Variants in POC1A observed in about 807,000 individuals in gnomAD.
The protein encoded by POC1A is POC1 centriolar protein A, also known as POC1 centriolar protein homolog A.
A neutral mutation model predicts 47.8 loss-of-function variants in POC1A; 34 were observed. The ratio of observed to expected loss-of-function variants is 0.71; its 90% CI spans 0.54 to 0.95. The LOEUF (loss-of-function observed/expected upper bound fraction) is 0.95. Among genes scored for constraint, POC1A ranks in the 40% least tolerant of loss-of-function variants. The pLI, the probability that POC1A is intolerant of heterozygous loss-of-function variation, is 0.00. For missense variants in POC1A, 466 were observed against 528.3 expected, an observed-to-expected ratio of 0.88 and a Z score of 1.16; for synonymous variants, 177 against 207.6, an observed-to-expected ratio of 0.85 and a Z score of 1.27.
chr3:52,135,787 T>A (rs1242120809), intron 7 of POC1A, among the ~76,000 whole-genome samples: 1 of 152,072 alleles, frequency 6.6e-6, no homozygotes, highest in African/African-American at 2.4e-5. Flanking sequence ...CTGCTGCACA[T>A]CATTAGTAAG....
chr3:52,132,005 T>C (rs1011528122), intron 7 of POC1A, among the ~76,000 whole-genome samples: 1 of 152,186 alleles, frequency 6.6e-6, no homozygotes, highest in East Asian at 1.9e-4. Flanking sequence ...AAACTTCTAA[T>C]GCCCTTTTAA....
chr3:52,077,641 G>A (rs996000231), intron 10 of POC1A, among the ~76,000 whole-genome samples: 2 of 152,232 alleles, frequency 1.3e-5, no homozygotes, highest in African/African-American at 2.4e-5. Context: ...AAGTGGCAGC[G>A]GAAACAGCCC....
At chr3:52,076,298 A>AC (rs1316930594) in intron 10 of POC1A, among the ~76,000 whole-genome samples, 6 of 151,984 alleles carry the variant, frequency 3.9e-5, no homozygotes, top group Middle Eastern at 3.4e-3. Flanking sequence ...GGGGTCAGGA[A>AC]CCCCCCACCC....
In POC1A at chr3:52,154,351, T is replaced by C; in HGVS notation, c.18+4A>G. ...CCTGGGGAGTTGCTCTCGGCTGGGC[T>C]TACCGCGCAGGGCGCAGCCATGGCG... On this transcript the variant is annotated splice_donor_region_variant and intron_variant, in intron 1 of 10. Transcript: ENST00000296484. 1 of 1,550,788 alleles carries C rather than the reference T, an allele frequency of 6.4e-7. No homozygotes were observed. Among genetic ancestry groups the C allele is most frequent in the South Asian group, 1.2e-5 (1 of 84,804 alleles).
chr3:52,080,644 G>A (rs1473340873), intron 10 of POC1A, among the ~76,000 whole-genome samples: 2 of 152,208 alleles, frequency 1.3e-5, no homozygotes, highest in African/African-American at 4.8e-5. Flanking sequence ...GGAACCGAAA[G>A]GACATAGTGA....
Position 52,147,075 on chromosome 3 carries a change from A to G in POC1A, c.476T>C (p.Leu159Pro). The G allele has an allele frequency of 6.2e-7, 1 of 1,614,072 alleles. No individual in the cohort carries two copies. Among genetic ancestry groups the G allele is most frequent in the East Asian group, 2.2e-5 (1 of 44,884 alleles). The change falls in exon 5 of 11, where the codon CTC becomes CCC. Residue 159 changes from leucine (L) to proline (P), a missense_variant. By Grantham distance (98) the Leu-to-Pro change is moderately conservative (BLOSUM62 -3). Transcript: ENST00000296484. The stretch of plus-strand genomic sequence containing the variant: ...CTTGTCATCACTGGCAGACACGATG[A>G]GCCGCCCGTCGGGGGAGAACCTGAA... ...RCAKFSPDGR[L>P]IVSASDDKTV...
chr3:52,078,031 G>T (rs902547484), intron 10 of POC1A, among the ~76,000 whole-genome samples: 1 of 152,072 alleles, frequency 6.6e-6, no homozygotes, highest in African/African-American at 2.4e-5. Flanking sequence ...GTGCCACCCC[G>T]TTGAGGCCTT....
intron 5 of POC1A, 34 bp downstream of exon 5, chr3:52,146,954 G>A (rs764441356): frequency 3.3e-5 from 51 of 1,540,304 alleles, no homozygotes; most frequent in South Asian, 5.6e-5. Flanking sequence ...GTGCTTGAGC[G>A]CCTACAGGTG....
intron 10 of POC1A, among the ~76,000 whole-genome samples, chr3:52,082,903 T>C (rs944234563): frequency 6.6e-6 from 1 of 152,074 alleles, no homozygotes; most frequent in Non-Finnish European, 1.5e-5. Flanking sequence ...TGCGTCCTTC[T>C]CTACTGACAT....
intron 9 of POC1A, 130 bp downstream of exon 9, chr3:52,122,249 A>T (rs959605080): frequency 5.0e-6 from 3 of 605,232 alleles, no homozygotes; most frequent in Non-Finnish European, 5.9e-6. Flanking sequence ...AAATGAGAAG[A>T]TCTTGCTAGG....
Position 52,122,486 on chromosome 3 carries a change from AC to A in POC1A, c.883-10del. 6.6e-7 allele frequency: 1 copy of A among 1,523,158 alleles called. No homozygotes were observed. The highest frequency in any genetic ancestry group is 9.1e-7 in the Non-Finnish European group (1 of 1,097,050). The allele number at this position is 1,523,158 out of a possible 1,614,324, so 94.4% of individuals were successfully genotyped here. A position where few individuals can be genotyped will look rare whatever the true frequency, so the allele number is the denominator to read the frequency against. On this transcript the variant is annotated splice_polypyrimidine_tract_variant and intron_variant, in intron 8 of 10. Coordinates refer to ENST00000296484, the MANE Select transcript of POC1A (RefSeq NM_015426.5). ...CTCTTCCAAACCATCACCTGCCAAA[AC>A]CAACAGGCACACCAAGTCAGGAGAA...
chr3:52,144,224 C>T (rs1393186083), intron 6 of POC1A, among the ~76,000 whole-genome samples: 2 of 152,252 alleles, frequency 1.3e-5, no homozygotes, highest in Non-Finnish European at 2.9e-5. Flanking sequence ...CACCTGCCCA[C>T]GTTCCCCAGG....
At chr3:52,154,325 G>C in intron 1 of POC1A, 30 bp downstream of exon 1, 1 of 1,557,304 alleles carries the variant, frequency 6.4e-7, no homozygotes, top group Non-Finnish European at 8.7e-7. Context: ...GGAGACTGAG[G>C]CCTGGGGAGT....
chr3:52,099,599 C>G (rs1702929394), intron 9 of POC1A, among the ~76,000 whole-genome samples: 1 of 152,186 alleles, frequency 6.6e-6, no homozygotes, highest in South Asian at 2.1e-4. Context: ...ACCTGTAACC[C>G]AACCACTTTG....
chr3:52,153,312 A>G (rs1319421994), intron 1 of POC1A, among the ~76,000 whole-genome samples: 1 of 152,244 alleles, frequency 6.6e-6, no homozygotes, highest in African/African-American at 2.4e-5. Flanking sequence ...AGAAACCTCA[A>G]AGAAGCATTT....
At chr3:52,119,004 GTT>G (rs10662992) in intron 9 of POC1A, among the ~76,000 whole-genome samples, 1 of 146,768 alleles carries the variant, frequency 6.8e-6, no homozygotes, top group African/African-American at 2.5e-5. Context: ...AAGGCAAAAG[GTT>G]TTTTTTTTTT....
At chr3:52,142,066 C>T (rs1404766413) in intron 6 of POC1A, among the ~76,000 whole-genome samples, 3 of 152,206 alleles carry the variant, frequency 2.0e-5, no homozygotes, top group South Asian at 2.1e-4. Flanking sequence ...GACTCAAAGG[C>T]CCTGAGGTGG....
intron 10 of POC1A, among the ~76,000 whole-genome samples, chr3:52,083,521 C>A (rs1702366488): frequency 1.3e-5 from 2 of 152,206 alleles, no homozygotes; most frequent in African/African-American, 4.8e-5. Context: ...ACCTCCCCTT[C>A]TTTCAGCCCC....
chr3:52,108,997 T>A (rs369085085), intron 9 of POC1A, among the ~76,000 whole-genome samples: 62 of 152,250 alleles, frequency 4.1e-4, no homozygotes, highest in African/African-American at 1.4e-3. Flanking sequence ...CAAACTCTCC[T>A]GGAGGACATC....
Sources: allele counts gnomAD v4.1 joint callset (sites outside exome capture counted in the v4.1 genomes callset), GRCh38; gene constraint gnomAD v4.1.1; transcripts MANE v1.5; gene names NCBI Gene and HGNC (gene_info 2026-07-23, HGNC 2026-07-21).